Variants in TMTC1 observed in about 807,000 individuals in gnomAD.
TMTC1 encodes protein O-mannosyl-transferase TMTC1.
Under a neutral mutation model 104.8 loss-of-function variants are expected in TMTC1, and 73 were observed. The observed-to-expected ratio is 0.70, with a 90% CI of 0.58 to 0.85. The LOEUF (loss-of-function observed/expected upper bound fraction) is 0.85, where lower values mean the gene tolerates loss of function less well. TMTC1 is among the 40% of genes least tolerant of loss of function. The pLI is 0.00. For synonymous variants in TMTC1, 434 were observed against 428.7 expected, an observed-to-expected ratio of 1.01 and a Z score of -0.15; for missense variants, 1,035 against 1,096.1, an observed-to-expected ratio of 0.94 and a Z score of 0.79.
chr12:29,547,342 T>A (rs905114472), intron 10 of TMTC1, among the ~76,000 whole-genome samples: 8 of 152,174 alleles, frequency 5.3e-5, no homozygotes, highest in African/African-American at 1.4e-4. Context: ...AAGCACATGA[T>A]GGATTTAAAA....
intron 4 of TMTC1, 62 bp downstream of exon 4, chr12:29,755,647 A>ATTGTT (rs3830194): frequency 0.43 from 612,545 of 1,427,786 alleles, 134,463 homozygotes; most frequent in Admixed American, 0.6. Context: ...TTTGGAAACT[A>ATTGTT]TTAAGTAATT....
intron 5 of TMTC1, among the ~76,000 whole-genome samples, chr12:29,736,261 C>CAAAAAAA (rs367958905): frequency 2.3e-5 from 2 of 88,552 alleles, no homozygotes. Context: ...TAGGTAAAGC[C>CAAAAAAA]AAAAAAAAAA....
At chr12:29,655,180 CAT>C (rs1282987440) in intron 5 of TMTC1, among the ~76,000 whole-genome samples, 1 of 152,124 alleles carries the variant, frequency 6.6e-6, no homozygotes, top group East Asian at 1.9e-4. Flanking sequence ...CGCACCTGGC[CAT>C]ATGATTCCAT....
chr12:29,630,308 G>A (rs1235971088), intron 6 of TMTC1, among the ~76,000 whole-genome samples: 2 of 152,152 alleles, frequency 1.3e-5, no homozygotes, highest in African/African-American at 4.8e-5. Flanking sequence ...AAGGTAAAGA[G>A]GAAGCAGGGA....
intron 5 of TMTC1, among the ~76,000 whole-genome samples, chr12:29,645,031 C>A (rs948525696): frequency 6.6e-6 from 1 of 152,176 alleles, no homozygotes; most frequent in Non-Finnish European, 1.5e-5. Context: ...ATCCTCCTCA[C>A]TAAAACAGAA....
chr12:29,741,800 CT>C (rs2136945782), intron 5 of TMTC1, among the ~76,000 whole-genome samples: 1 of 152,268 alleles, frequency 6.6e-6, no homozygotes, highest in African/African-American at 2.4e-5. Context: ...TCTACATTTC[CT>C]GCTTAGAAAA....
At chr12:29,754,456 C>T (rs1943168279) in intron 4 of TMTC1, among the ~76,000 whole-genome samples, 1 of 152,140 alleles carries the variant, frequency 6.6e-6, no homozygotes, top group Non-Finnish European at 1.5e-5. Flanking sequence ...AACGCATCTG[C>T]AGTCAGCTGT....
intron 5 of TMTC1, among the ~76,000 whole-genome samples, chr12:29,641,402 G>A (rs750467765): frequency 6.6e-6 from 1 of 152,108 alleles, no homozygotes; most frequent in Non-Finnish European, 1.5e-5. Context: ...ACCCATAGAC[G>A]GTTCATATCA....
rs915651426 is a variant in TMTC1 at position 29,501,963 on chromosome 12, T to C, written c.*4883A>G. The C allele has an allele frequency of 1.3e-5, 2 of 152,214 alleles. No individual in the cohort carries two copies. Among genetic ancestry groups the C allele is most frequent in the Admixed American group, 1.3e-4 (2 of 15,278 alleles). The allele number at this position is 152,214 out of a possible 1,614,324, so 9.4% of individuals were successfully genotyped here. On this transcript the variant is annotated 3_prime_UTR_variant, in exon 18 of 18. Coordinates refer to ENST00000539277, the MANE Select transcript of TMTC1 (RefSeq NM_001193451.2). ...ACAAATAAAATATTGAGGGAAATAATATTTTTTGGAAGAACTATTCAGCAT... is the reference window on the plus strand; with the variant it reads ...ACAAATAAAATATTGAGGGAAATAACATTTTTTGGAAGAACTATTCAGCAT...
intron 8 of TMTC1, among the ~76,000 whole-genome samples, chr12:29,581,738 G>T (rs159698): frequency 0.54 from 81,512 of 151,388 alleles, 24,617 homozygotes; most frequent in Non-Finnish European, 0.66. Flanking sequence ...TTCTAAAGAT[G>T]CTCGTAAAAG....
chr12:29,653,512 T>A (rs1041554265), intron 5 of TMTC1, among the ~76,000 whole-genome samples: 1 of 152,182 alleles, frequency 6.6e-6, no homozygotes, highest in Non-Finnish European at 1.5e-5. Context: ...AAGAAAGTTG[T>A]GTGATAAAGA....
At chr12:29,541,928 A>T (rs1441680488) in intron 10 of TMTC1, among the ~76,000 whole-genome samples, 1 of 152,212 alleles carries the variant, frequency 6.6e-6, no homozygotes, top group Admixed American at 6.5e-5. Context: ...AAGTACTGGG[A>T]TTACAGGCAT....
At chr12:29,714,009 C>T (rs1445677460) in intron 5 of TMTC1, among the ~76,000 whole-genome samples, 1 of 152,106 alleles carries the variant, frequency 6.6e-6, no homozygotes, top group East Asian at 1.9e-4. Flanking sequence ...TTCTTTCTCA[C>T]CGGAGGGCAC....
chr12:29,571,607 C>T (rs1037739321), intron 9 of TMTC1, among the ~76,000 whole-genome samples: 1 of 147,528 alleles, frequency 6.8e-6, no homozygotes, highest in East Asian at 2.0e-4. Flanking sequence ...CACACACACA[C>T]AATTAACGTA....
At chr12:29,642,663 C>A (rs192934792) in intron 5 of TMTC1, among the ~76,000 whole-genome samples, 1 of 152,040 alleles carries the variant, frequency 6.6e-6, no homozygotes, top group African/African-American at 2.4e-5. Context: ...CAGTGGCTCA[C>A]GCCTGTAATC....
At chr12:29,609,438 T>G (rs998725633) in intron 6 of TMTC1, among the ~76,000 whole-genome samples, 12 of 152,244 alleles carry the variant, frequency 7.9e-5, no homozygotes, top group African/African-American at 2.7e-4. Flanking sequence ...TTGATGGTAG[T>G]CACCAATGAA....
chr12:29,570,879 A>AC (rs1491187527), intron 9 of TMTC1, among the ~76,000 whole-genome samples: 535 of 119,838 alleles, frequency 4.5e-3, no homozygotes, highest in African/African-American at 6.7e-3. Flanking sequence ...AAAAACAGAA[A>AC]CACCCCCCCC....
intron 9 of TMTC1, among the ~76,000 whole-genome samples, chr12:29,559,551 G>A (rs1414983937): frequency 1.3e-5 from 2 of 152,210 alleles, no homozygotes; most frequent in Non-Finnish European, 2.9e-5. Flanking sequence ...CGCTATAAGA[G>A]AAAAGGCCTT....
At chr12:29,533,731 G>A (rs1944568210) in intron 11 of TMTC1, 3 of 152,128 alleles carry the variant, frequency 2.0e-5, no homozygotes, top group Admixed American at 2.0e-4. Context: ...TATCAAGTTT[G>A]CCAACTGAAA....
Sources: allele counts gnomAD v4.1 joint callset (sites outside exome capture counted in the v4.1 genomes callset), GRCh38; gene constraint gnomAD v4.1.1; transcripts MANE v1.5; gene names NCBI Gene and HGNC (gene_info 2026-07-23, HGNC 2026-07-21).